DPP10: variants seen among roughly 807,000 people sequenced by gnomAD.
DPP10 encodes inactive dipeptidyl peptidase 10.
Under a neutral mutation model 120.9 loss-of-function variants are expected in DPP10, and 33 were observed. The ratio of observed to expected loss-of-function variants is 0.27; its 90% CI spans 0.21 to 0.37. DPP10 has a LOEUF of 0.37. Among genes scored for constraint, DPP10 ranks in the 10% least tolerant of loss-of-function variants. DPP10 has a pLI of 1.00. For synonymous variants in DPP10, 337 were observed against 326.1 expected (o/e 1.03, Z -0.36); for missense variants, 816 against 942.8 (o/e 0.87, Z 1.76).
chr2:115,832,175 G>A (rs1364074285), intron 21 of DPP10, among the ~76,000 whole-genome samples: 1 of 152,166 alleles, frequency 6.6e-6, no homozygotes, highest in African/African-American at 2.4e-5. Context: ...CAGGTGAGAG[G>A]AAGGCGAGCC....
chr2:115,009,869 A>G (rs1353354680), intron 1 of DPP10, among the ~76,000 whole-genome samples: 1 of 152,208 alleles, frequency 6.6e-6, no homozygotes, highest in African/African-American at 2.4e-5. Flanking sequence ...TTCACTACTC[A>G]TTAATACAAA....
intron 5 of DPP10, among the ~76,000 whole-genome samples, chr2:115,623,841 G>A (rs560826458): frequency 2.0e-5 from 3 of 151,842 alleles, no homozygotes; most frequent in African/African-American, 7.3e-5. Flanking sequence ...GTTTGATGAA[G>A]TATTTAGGGC....
chr2:115,798,771 G>A (rs767861146), intron 19 of DPP10, among the ~76,000 whole-genome samples: 1 of 152,130 alleles, frequency 6.6e-6, no homozygotes, highest in South Asian at 2.1e-4. Flanking sequence ...TTTAATCAAC[G>A]TTTTGATTTG....
intron 2 of DPP10, among the ~76,000 whole-genome samples, chr2:115,328,746 T>A (rs2062515996): frequency 6.6e-6 from 1 of 152,090 alleles, no homozygotes; most frequent in Non-Finnish European, 1.5e-5. Flanking sequence ...TTCCCTCATC[T>A]CTTCTCTATC....
chr2:114,955,344 G>C (rs1698123362), intron 1 of DPP10, among the ~76,000 whole-genome samples: 1 of 152,086 alleles, frequency 6.6e-6, no homozygotes, highest in Admixed American at 6.5e-5. Flanking sequence ...AGGTCTTCAT[G>C]GCCTGTATTT....
chr2:115,484,470 C>T (rs757735988), intron 3 of DPP10, among the ~76,000 whole-genome samples: 1 of 152,036 alleles, frequency 6.6e-6, no homozygotes, highest in African/African-American at 2.4e-5. Flanking sequence ...CATTGCATAC[C>T]ACTAATGTAC....
intron 3 of DPP10, among the ~76,000 whole-genome samples, chr2:115,438,314 TG>T (rs2071691439): frequency 6.6e-6 from 1 of 152,118 alleles, no homozygotes; most frequent in Admixed American, 6.6e-5. Flanking sequence ...GAAGAAATGG[TG>T]CTTCCTCAAA....
intron 1 of DPP10, among the ~76,000 whole-genome samples, chr2:115,263,672 A>G (rs71418541): frequency 0.047 from 7,082 of 152,260 alleles, 284 homozygotes; most frequent in East Asian, 0.2. Flanking sequence ...ATTATCCTCC[A>G]TAAACATTCT....
At chr2:115,764,189 C>T (rs181884793) in intron 12 of DPP10, among the ~76,000 whole-genome samples, 389 of 151,236 alleles carry the variant, frequency 2.6e-3, no homozygotes, top group Admixed American at 4.2e-3. Context: ...GTAAACCAAA[C>T]GCCTAGTATA....
rs991028057 is a variant in DPP10 at position 114,749,903 on chromosome 2, T to G, written c.60+307065T>G. On this transcript the variant is annotated intron_variant, in intron 1 of 25. Transcript: ENST00000410059. ...CATAATGCTGTGTTAAGGAAATAAT[T>G]TAGGCTACAAAGGAGTATATTTAGT... 6.6e-5 allele frequency among the ~76,000 whole-genome samples: 10 copies of G among 152,278 alleles called. 1 individual carries two copies. The South Asian group carries it at 2.1e-3, about 32-fold the overall frequency.
chr2:114,494,205 G>C (rs947906669), intron 1 of DPP10, among the ~76,000 whole-genome samples: 1 of 151,536 alleles, frequency 6.6e-6, no homozygotes, highest in Non-Finnish European at 1.5e-5. Context: ...GCTCTCTGCA[G>C]TGTGATCTTG....
At chr2:115,720,250 T>G (rs1022899911) in intron 7 of DPP10, among the ~76,000 whole-genome samples, 6 of 152,192 alleles carry the variant, frequency 3.9e-5, no homozygotes, top group African/African-American at 7.2e-5. Context: ...CAAAATATTT[T>G]GTGTGTGTGT....
rs559036788 is a variant in DPP10, at chr2:115,208,154, C to T, written c.61-101085C>T. 2.6e-5 allele frequency among the ~76,000 whole-genome samples: 4 copies of T among 151,934 alleles called. No homozygotes were observed. The South Asian group carries it at 8.3e-4, about 32-fold the overall frequency. Reference sequence around the variant, plus strand: ...ATAGTATCAAAGCTAGAATCACAATCCACATCTCTAAGGATACTTTGCTTT... The same window carrying T: ...ATAGTATCAAAGCTAGAATCACAATTCACATCTCTAAGGATACTTTGCTTT... On this transcript the variant is annotated intron_variant, in intron 1 of 25. Transcript: ENST00000410059.
intron 7 of DPP10, among the ~76,000 whole-genome samples, chr2:115,695,169 G>A (rs2091517712): frequency 6.6e-6 from 1 of 152,156 alleles, no homozygotes; most frequent in African/African-American, 2.4e-5. Flanking sequence ...AAATTAGCAA[G>A]TCACCATACA....
chr2:114,944,192 G>T (rs1697183373), intron 1 of DPP10, among the ~76,000 whole-genome samples: 1 of 152,094 alleles, frequency 6.6e-6, no homozygotes, highest in Non-Finnish European at 1.5e-5. Flanking sequence ...CACATTTAAA[G>T]TAGATATTTC....
In DPP10 at chr2:115,436,693, A is replaced by G. The variant is rs551642388; in HGVS notation, c.272-62817A>G. ...GGGTGGGTATTGAAAAACAACAATA[A>G]TGAAAAATAGGACAGGAACAAACAC... On this transcript the variant is annotated intron_variant, in intron 3 of 25. Coordinates refer to ENST00000410059, the MANE Select transcript of DPP10 (RefSeq NM_020868.6). Among the ~76,000 whole-genome samples the G allele has an allele frequency of 2.6e-5, 4 of 152,038 alleles. No individual in the cohort carries two copies. In the South Asian group the frequency reaches 8.3e-4, roughly 32 times the overall value.
At chr2:114,683,807 A>G (rs1422820515) in intron 1 of DPP10, among the ~76,000 whole-genome samples, 1 of 151,846 alleles carries the variant, frequency 6.6e-6, no homozygotes, top group Non-Finnish European at 1.5e-5. Flanking sequence ...GCTCAGGGAC[A>G]TCAGCCCATT....
At chr2:115,749,781 T>C (rs903884342) in intron 10 of DPP10, among the ~76,000 whole-genome samples, 3 of 152,134 alleles carry the variant, frequency 2.0e-5, no homozygotes, top group Non-Finnish European at 4.4e-5. Context: ...ACCGCACAAA[T>C]ATTTTGGTGT....
At chr2:115,747,465 G>T (rs1264282501) in intron 10 of DPP10, among the ~76,000 whole-genome samples, 1 of 152,080 alleles carries the variant, frequency 6.6e-6, no homozygotes, top group African/African-American at 2.4e-5. Flanking sequence ...TTTTTCTCTG[G>T]TTTGTTTAAT....
Sources: allele counts gnomAD v4.1 joint callset (sites outside exome capture counted in the v4.1 genomes callset), GRCh38; gene constraint gnomAD v4.1.1; transcripts MANE v1.5; gene names NCBI Gene and HGNC (gene_info 2026-07-23, HGNC 2026-07-21).